Variants in WDR1 observed in about 807,000 individuals in gnomAD.
The protein encoded by WDR1 is WD repeat domain 1, also known as WD repeat-containing protein 1.
A neutral mutation model predicts 71.9 loss-of-function variants in WDR1; 21 were observed. The ratio of observed to expected loss-of-function variants is 0.29; its 90% CI spans 0.21 to 0.42. The LOEUF (loss-of-function observed/expected upper bound fraction) is 0.42, where lower values mean the gene tolerates loss of function less well. WDR1 is among the 10% of genes least tolerant of loss of function. The pLI, the probability that WDR1 is intolerant of heterozygous loss-of-function variation, is 1.00. For synonymous variants in WDR1, 424 were observed against 347.4 expected, an observed-to-expected ratio of 1.22 and a Z score of -2.45; for missense variants, 696 against 824.5, an observed-to-expected ratio of 0.84 and a Z score of 1.91.
chr4:10,079,092 C>G, intron 11 of WDR1, 91 bp from the exon 12 acceptor site: 2 of 1,095,598 alleles, frequency 1.8e-6, no homozygotes, highest in Non-Finnish European at 1.3e-6. Context: ...TCGGGGCTCA[C>G]TGGAGCTGGG....
chr4:10,108,633 C>G (rs936268356), intron 2 of WDR1, among the ~76,000 whole-genome samples: 1 of 152,224 alleles, frequency 6.6e-6, no homozygotes, highest in Non-Finnish European at 1.5e-5. Flanking sequence ...CTGACCTGTG[C>G]AAATATAACT....
chr4:10,081,590 G>A, intron 10 of WDR1, 146 bp from the exon 11 acceptor site: 1 of 564,822 alleles, frequency 1.8e-6, no homozygotes, highest in Admixed American at 2.6e-5. Context: ...TAAAATATGG[G>A]ATGGTAGCGA....
Position 10,085,956 on chromosome 4 carries a change from A to G in WDR1, c.952-1426T>C, listed in dbSNP as rs542562143. Among the ~76,000 whole-genome samples the G allele has an allele frequency of 3.3e-5, 5 of 152,258 alleles. No individual in the cohort carries two copies. In the South Asian group the frequency reaches 8.3e-4, roughly 25 times the overall value. ...GGGATGCTGGTTGCTTTTTTGGGAC[A>G]TAAGTTTAGCCACGGTGGCAGGCCG... On this transcript the variant is annotated intron_variant, in intron 8 of 14. Coordinates refer to ENST00000499869, the MANE Select transcript of WDR1 (RefSeq NM_017491.5).
chr4:10,097,904 A>T lies in WDR1; in HGVS notation c.378-13T>A, dbSNP rs772011760. On this transcript the variant is annotated splice_polypyrimidine_tract_variant and intron_variant, in intron 4 of 14. Coordinates refer to ENST00000499869, the MANE Select transcript of WDR1 (RefSeq NM_017491.5). ...GACTGCTCCAAACCTTGACCCAATG[A>T]CACAGGTGGAAGACAAAAAAAAAAA... 3.3e-6 allele frequency: 5 copies of T among 1,510,732 alleles called. No homozygotes were observed. Among genetic ancestry groups the T allele is most frequent in the Non-Finnish European group, 4.4e-6 (5 of 1,125,136 alleles). 93.6% of individuals were successfully genotyped at this position (1,510,732 alleles called of 1,614,324 possible). A position where few individuals can be genotyped will look rare whatever the true frequency, so the allele number is the denominator to read the frequency against.
chr4:10,115,590 G>A (rs539231690), intron 2 of WDR1, among the ~76,000 whole-genome samples: 1 of 152,142 alleles, frequency 6.6e-6, no homozygotes, highest in Non-Finnish European at 1.5e-5. Context: ...GGGCTTGAGG[G>A]ACGCCAGCAG....
chr4:10,081,333 C>T, intron 11 of WDR1, 24 bp downstream of exon 11: 5 of 1,611,422 alleles, frequency 3.1e-6, no homozygotes, highest in Non-Finnish European at 4.2e-6. Context: ...AGGCTCCCAC[C>T]CAAACACTAA....
intron 3 of WDR1, 30 bp from the exon 4 acceptor site, chr4:10,099,169 G>A (rs1476289093): frequency 2.4e-6 from 3 of 1,247,280 alleles, no homozygotes; most frequent in East Asian, 2.5e-5. Flanking sequence ...GGGGAGGGGG[G>A]GAGGCGGTGG....
chr4:10,097,335 C>T (rs530696764), intron 5 of WDR1, among the ~76,000 whole-genome samples: 1 of 152,404 alleles, frequency 6.6e-6, no homozygotes, highest in Admixed American at 6.5e-5. Flanking sequence ...CGCAAGCTCC[C>T]TTCCTCTGCC....
chr4:10,116,035 G>C (rs1713698770), intron 2 of WDR1, 78 bp downstream of exon 2: 10 of 1,548,936 alleles, frequency 6.5e-6, no homozygotes, highest in Non-Finnish European at 7.9e-6. Context: ...CAGGAGGTGA[G>C]AAGTGGAGAG....
At position 10,083,149 on chromosome 4, in the gene WDR1, CG is replaced by C. The variant is rs1238183056; in HGVS notation, c.1068del (p.Asn356LysfsTer16). The C allele has an allele frequency of 6.2e-7, 1 of 1,613,706 alleles. No homozygotes were observed. The highest frequency in any genetic ancestry group is 8.5e-7 in the Non-Finnish European group (1 of 1,179,832). On this transcript the variant is annotated frameshift_variant, in exon 10 of 15. Transcript: ENST00000499869. LOFTEE classifies it high-confidence loss of function. The part of the protein sequence containing the change: ...INYWDSETGE[N>X]DSFAGKGHTN... Reference sequence around the variant, plus strand: ...GTGTGGCCTTTCCCAGCGAAGGAGTCGTTCTCCCCCGTCTCTGAATCCCAGT... The same window carrying C: ...GTGTGGCCTTTCCCAGCGAAGGAGTCTTCTCCCCCGTCTCTGAATCCCAGT...
At chr4:10,099,370 T>C (rs1398694073) in intron 3 of WDR1, among the ~76,000 whole-genome samples, 1 of 152,244 alleles carries the variant, frequency 6.6e-6, no homozygotes. Flanking sequence ...GGCCTGCCAT[T>C]TGGGCCTCTG....
intron 3 of WDR1, among the ~76,000 whole-genome samples, chr4:10,102,733 G>T (rs1296744960): frequency 6.6e-6 from 1 of 152,208 alleles, no homozygotes; most frequent in African/African-American, 2.4e-5. Flanking sequence ...AGGACAGGCT[G>T]CTGTGCACAC....
At chr4:10,079,117 C>A in intron 11 of WDR1, 116 bp from the exon 12 acceptor site, 1 of 773,502 alleles carries the variant, frequency 1.3e-6, no homozygotes, top group Non-Finnish European at 2.0e-6. Context: ...GCTCCATACC[C>A]AACCTCTTTG....
intron 2 of WDR1, among the ~76,000 whole-genome samples, chr4:10,113,875 G>A (rs968757125): frequency 1.3e-5 from 2 of 152,228 alleles, no homozygotes; most frequent in African/African-American, 2.4e-5. Context: ...GGAAGAGCAC[G>A]TGGGAAACAC....
chr4:10,105,534 T>C (rs1227947060), intron 2 of WDR1, among the ~76,000 whole-genome samples: 2 of 152,188 alleles, frequency 1.3e-5, no homozygotes, highest in African/African-American at 2.4e-5. Flanking sequence ...TCAGTGTCAT[T>C]AGTCTTGGGA....
intron 5 of WDR1, among the ~76,000 whole-genome samples, chr4:10,093,853 C>G (rs573755115): frequency 6.6e-6 from 1 of 152,394 alleles, no homozygotes; most frequent in Admixed American, 6.5e-5. Context: ...AACATCTGCT[C>G]TCTGCCCTGT....
In WDR1 at chr4:10,075,114, T is replaced by C. The variant is rs1764748529; in HGVS notation, c.*264A>G. 8.4e-6 allele frequency: 4 copies of C among 474,210 alleles called. No individual in the cohort carries two copies. The highest frequency in any genetic ancestry group is 2.0e-5 in the African/African-American group (1 of 51,118). The allele number at this position is 474,210 out of a possible 1,614,324, so 29.4% of individuals were successfully genotyped here. A position where few individuals can be genotyped will look rare whatever the true frequency, so the allele number is the denominator to read the frequency against. On this transcript the variant is annotated 3_prime_UTR_variant, in exon 15 of 15. Transcript: ENST00000499869. Reference sequence around the variant, plus strand: ...TGGAATGTTTCGCATTCTCAAGGTTTGGTTGGGCTGTGGGTTTTAGTTATG... The same window carrying C: ...TGGAATGTTTCGCATTCTCAAGGTTCGGTTGGGCTGTGGGTTTTAGTTATG...
chr4:10,078,953 C>G lies in WDR1; in HGVS notation c.1333G>C (p.Gly445Arg), dbSNP rs540604733. Residue 445 changes from glycine (G) to arginine (R), a missense_variant, in exon 12 of 15, where the codon GGC becomes CGC. By Grantham distance (125) the Gly-to-Arg change is moderately radical. Coordinates refer to ENST00000499869, the MANE Select transcript of WDR1 (RefSeq NM_017491.5). ...QRKCFSIDNP[G>R]YEPEVVAVHP... ...ACTGCCACAACTTCGGGCTCGTAGC[C>G]GGGGTTGTCGATGCTGAAGCACTTC... 1 of 1,612,700 alleles carries G rather than the reference C, an allele frequency of 6.2e-7. No homozygotes were observed. The highest frequency in any genetic ancestry group is 1.3e-5 in the African/African-American group (1 of 75,030).
chr4:10,093,618 C>T (rs1712150855), intron 5 of WDR1, among the ~76,000 whole-genome samples: 3 of 152,368 alleles, frequency 2.0e-5, no homozygotes, highest in African/African-American at 7.2e-5. Context: ...GGACAAGAGG[C>T]TCATCCTAAC....
Sources: gnomAD v4.1 joint callset for allele counts (sites outside exome capture counted in the v4.1 genomes callset) on GRCh38, gnomAD v4.1.1 for gene constraint, MANE v1.5 for transcripts, NCBI Gene and HGNC (gene_info 2026-07-23, HGNC 2026-07-21) for gene names.